Variants in RORC observed in about 807,000 individuals in gnomAD.
RORC encodes the protein RAR related orphan receptor C, also known as nuclear receptor ROR-gamma.
In RORC, 13 loss-of-function variants were observed where a neutral mutation model predicts 64.5. The ratio of observed to expected loss-of-function variants is 0.20; its 90% confidence interval spans 0.13 to 0.32. The LOEUF (loss-of-function observed/expected upper bound fraction) is 0.32. Among genes scored for constraint, RORC ranks in the 10% least tolerant of loss-of-function variants. RORC has a pLI of 1.00. For missense variants in RORC, 468 were observed against 669.5 expected, an observed-to-expected ratio of 0.70 and a Z score of 3.32; for synonymous variants, 277 against 259.3, an observed-to-expected ratio of 1.07 and a Z score of -0.65.
intron 10 of RORC, among the ~76,000 whole-genome samples, chr1:151,808,321 A>C (rs902334198): frequency 2.0e-5 from 3 of 152,234 alleles, no homozygotes; most frequent in African/African-American, 7.2e-5. Flanking sequence ...CACTCAGCCA[A>C]AGGGGAGATG....
chr1:151,824,293 C>CTG (rs925166902), intron 2 of RORC, among the ~76,000 whole-genome samples: 1 of 151,870 alleles, frequency 6.6e-6, no homozygotes, highest in Non-Finnish European at 1.5e-5. Flanking sequence ...CTGGGTGGGG[C>CTG]TGTGTGTGTG....
At chr1:151,819,101 A>G (rs1231844384) in intron 2 of RORC, among the ~76,000 whole-genome samples, 1 of 152,192 alleles carries the variant, frequency 6.6e-6, no homozygotes, top group Non-Finnish European at 1.5e-5. Context: ...CCCCAGGACC[A>G]GGCGGTAAGT....
chr1:151,818,926 C>T (rs1289680634), intron 2 of RORC, among the ~76,000 whole-genome samples: 4 of 152,180 alleles, frequency 2.6e-5, no homozygotes, highest in African/African-American at 9.7e-5. Context: ...CATCATCCCT[C>T]AGGCCAGACT....
intron 6 of RORC, 117 bp from the exon 7 acceptor site, chr1:151,813,737 A>C: frequency 3.4e-6 from 4 of 1,174,034 alleles, no homozygotes; most frequent in Non-Finnish European, 4.7e-6. Context: ...CTATGTTCTC[A>C]ACTAGCATTT....
chr1:151,814,364 A>G, intron 6 of RORC: 1 of 532,198 alleles, frequency 1.9e-6, no homozygotes. Flanking sequence ...AATAGGCAAG[A>G]ACTAAGGAAA....
intron 2 of RORC, among the ~76,000 whole-genome samples, chr1:151,827,472 C>A (rs376285679): frequency 6.6e-6 from 1 of 152,180 alleles, no homozygotes; most frequent in Non-Finnish European, 1.5e-5. Flanking sequence ...TTGAGAGTCC[C>A]TCTTCAGGGC....
intron 7 of RORC, 42 bp downstream of exon 7, chr1:151,813,446 C>T: frequency 6.2e-7 from 1 of 1,613,310 alleles, no homozygotes; most frequent in Non-Finnish European, 8.5e-7. Flanking sequence ...CCACTTGGCT[C>T]TGTCCCCTTG....
Position 151,814,605 on chromosome 1 carries a change from G to C in RORC, c.902C>G (p.Ser301Cys). ...CTGGTAGCCAGTCACTTCCTCCCGG[G>C]AGAAGATGTTGGAGCGCTGCCGCAG... ...DLLRQRSNIFSREEVTGYQRK... is the reference protein window; with the variant it reads ...DLLRQRSNIFCREEVTGYQRK... The change falls in exon 6 of 11, where the codon TCC becomes TGC. Residue 301 changes from serine to cysteine, a missense_variant. Physicochemically the swap from Ser to Cys is moderately radical, Grantham distance 112 (BLOSUM62 -1). Coordinates refer to ENST00000318247, the MANE Select transcript of RORC (RefSeq NM_005060.4). The C allele has an allele frequency of 6.2e-7, 1 of 1,612,880 alleles. No homozygotes were observed. Among genetic ancestry groups the C allele is most frequent in the Non-Finnish European group, 8.5e-7 (1 of 1,179,422 alleles).
chr1:151,818,592 G>A (rs970167576), intron 2 of RORC, among the ~76,000 whole-genome samples: 3 of 152,220 alleles, frequency 2.0e-5, no homozygotes, highest in Non-Finnish European at 4.4e-5. Context: ...TACTGTAGGT[G>A]TTTTTAGCAT....
At position 151,814,731 on chromosome 1, in the gene RORC, GC is replaced by G. The variant is rs1651682494; in HGVS notation, c.812-37del. On this transcript the variant is annotated intron_variant, in intron 5 of 10. Coordinates refer to ENST00000318247, the MANE Select transcript of RORC (RefSeq NM_005060.4). Reference sequence around the variant, plus strand: ...AGAAGGAAGGCATGGCTTGATCTCAGCCAGCTCCTACGCCTACCCATGCAAG... The same window carrying G: ...AGAAGGAAGGCATGGCTTGATCTCAGCAGCTCCTACGCCTACCCATGCAAG... 6 of 1,592,302 alleles carry G rather than the reference GC, an allele frequency of 3.8e-6. No homozygotes were observed. In the East Asian group the frequency reaches 1.4e-4, roughly 36 times the overall value.
intron 1 of RORC, chr1:151,831,239 G>T: frequency 1.6e-6 from 1 of 644,404 alleles, no homozygotes. Context: ...CACTCCCCAA[G>T]TCTGTCACTC....
Position 151,807,281 on chromosome 1 carries a change from C to T in RORC, c.*191G>A. 2 of 555,148 alleles carry T rather than the reference C, an allele frequency of 3.6e-6. No individual in the cohort carries two copies. The highest frequency in any genetic ancestry group is 5.2e-5 in the South Asian group (2 of 38,258). 34.4% of individuals were successfully genotyped at this position (555,148 alleles called of 1,614,324 possible). A position where few individuals can be genotyped will look rare whatever the true frequency, so the allele number is the denominator to read the frequency against. On this transcript the variant is annotated 3_prime_UTR_variant, in exon 11 of 11. Transcript: ENST00000318247. The surrounding 1 kb of genome is among the most constrained non-coding windows in gnomAD (Gnocchi z 5.0). The stretch of plus-strand genomic sequence containing the variant: ...TGGAGATGGTGTTCTGCCAGCCCCA[C>T]CCTCTGGCGATTGTCCCACTGCCAG...
At chr1:151,825,812 C>T in intron 2 of RORC, 1 of 1,247,496 alleles carries the variant, frequency 8.0e-7, no homozygotes, top group Non-Finnish European at 1.2e-6. Flanking sequence ...TTGACCTTGA[C>T]CAGGACGCAC....
chr1:151,815,652 A>C (rs1413095937), intron 4 of RORC, among the ~76,000 whole-genome samples: 2 of 152,172 alleles, frequency 1.3e-5, no homozygotes, highest in Non-Finnish European at 2.9e-5. Context: ...TGCTAAGCAA[A>C]ATCTTCTAAG....
chr1:151,820,592 G>A (rs1651949601), intron 2 of RORC, among the ~76,000 whole-genome samples: 1 of 152,136 alleles, frequency 6.6e-6, no homozygotes, highest in Non-Finnish European at 1.5e-5. Flanking sequence ...CATCTCACCT[G>A]CAGCTCTCTC....
At chr1:151,813,117 C>A in intron 8 of RORC, 60 bp from the exon 9 acceptor site, 2 of 1,476,766 alleles carry the variant, frequency 1.4e-6, no homozygotes, top group African/African-American at 1.4e-5. Context: ...CCCGAGGACA[C>A]CGCCCTTATT....
intron 2 of RORC, among the ~76,000 whole-genome samples, chr1:151,821,805 T>C (rs1176383056): frequency 2.6e-5 from 4 of 152,048 alleles, no homozygotes; most frequent in African/African-American, 9.7e-5. Context: ...ATTGTGGTGG[T>C]CTAGGAACAG....
At chr1:151,816,849 G>A in intron 3 of RORC, 44 bp from the exon 4 acceptor site, 2 of 1,470,138 alleles carry the variant, frequency 1.4e-6, no homozygotes, top group South Asian at 1.5e-5. Flanking sequence ...TCCTGGTCAG[G>A]CCCAGCTCAC....
intron 2 of RORC, among the ~76,000 whole-genome samples, chr1:151,818,258 C>A (rs1651849571): frequency 6.6e-6 from 1 of 152,152 alleles, no homozygotes. Context: ...TGAAGGTGTG[C>A]TTGTGGGTGT....
Sources: allele counts gnomAD v4.1 joint callset (sites outside exome capture counted in the v4.1 genomes callset), GRCh38; gene constraint gnomAD v4.1.1; non-coding constraint Gnocchi (gnomAD v3.1); transcripts MANE v1.5; gene names NCBI Gene and HGNC (gene_info 2026-07-23, HGNC 2026-07-21).